Variants in AK8 observed in about 807,000 individuals in gnomAD.
The protein encoded by AK8 is adenylate kinase 8, also known as ATP-AMP transphosphorylase 8.
In AK8, 44 loss-of-function variants were observed where a neutral mutation model predicts 54.6. The observed-to-expected ratio is 0.81, with a 90% CI of 0.63 to 1.04. AK8 has a LOEUF of 1.04. AK8 is among the 50% of genes least tolerant of loss of function. The pLI, the probability that AK8 is intolerant of heterozygous loss-of-function variation, is 0.00. For synonymous variants in AK8, 239 were observed against 245.6 expected (o/e 0.97, Z 0.25); for missense variants, 555 against 613.6 (o/e 0.90, Z 1.01).
At chr9:132,827,921 G>A (rs1246809661) in intron 7 of AK8, 92 bp downstream of exon 7, 3 of 1,323,582 alleles carry the variant, frequency 2.3e-6, no homozygotes, top group African/African-American at 2.9e-5. Context: ...GGTGCCCAGA[G>A]CAGAATGCGA....
At position 132,770,199 on chromosome 9, in the gene AK8, G is replaced by C. The variant is rs1838901954; in HGVS notation, c.1121+22435C>G. Reference sequence around the variant, plus strand: ...TGGGGGGGTCACACTCGTGCCCCTTGCCTGGGTCCTGGGATGCAGACAACG... The same window carrying C: ...TGGGGGGGTCACACTCGTGCCCCTTCCCTGGGTCCTGGGATGCAGACAACG... On this transcript the variant is annotated intron_variant, in intron 11 of 12. Transcript: ENST00000298545. This position sits in a 1 kb window ranked among gnomAD's most constrained non-coding sequence, Gnocchi z 4.3. 2 of 152,308 alleles carry C rather than the reference G, an allele frequency of 1.3e-5. No homozygotes were observed. Among genetic ancestry groups the C allele is most frequent in the Admixed American group, 1.3e-4 (2 of 15,290 alleles). 9.4% of individuals were successfully genotyped at this position (152,308 alleles called of 1,614,324 possible). A position where few individuals can be genotyped will look rare whatever the true frequency, so the allele number is the denominator to read the frequency against.
intron 11 of AK8, among the ~76,000 whole-genome samples, chr9:132,728,689 T>C (rs1836687715): frequency 6.6e-6 from 1 of 152,096 alleles, no homozygotes; most frequent in South Asian, 2.1e-4. Context: ...CTCAGCTTTC[T>C]CACTTCCTCT....
chr9:132,868,255 T>A (rs1037039377), intron 2 of AK8, among the ~76,000 whole-genome samples: 1 of 152,224 alleles, frequency 6.6e-6, no homozygotes, highest in Admixed American at 6.5e-5. Context: ...CATCGTCCTT[T>A]TGGCCAGCAA....
rs1441917178 is a variant in AK8 at position 132,790,322 on chromosome 9, C to T, written c.1121+2312G>A. Among the ~76,000 whole-genome samples the T allele has an allele frequency of 6.6e-6, 1 of 151,974 alleles. No individual in the cohort carries two copies. Among genetic ancestry groups the T allele is most frequent in the African/African-American group, 2.4e-5 (1 of 41,360 alleles). On this transcript the variant is annotated intron_variant, in intron 11 of 12. Transcript: ENST00000298545. This position sits in a 1 kb window ranked among gnomAD's most constrained non-coding sequence, Gnocchi z 4.1. The stretch of plus-strand genomic sequence containing the variant: ...CTGGAGCGCAGTGGCGTGATCTCAG[C>T]TCACTGCAAACTCCGCCTCCTGGGT...
intron 11 of AK8, among the ~76,000 whole-genome samples, chr9:132,735,775 A>G (rs1837074447): frequency 6.6e-6 from 1 of 152,250 alleles, no homozygotes; most frequent in Non-Finnish European, 1.5e-5. Flanking sequence ...TGTTCTTAGC[A>G]GCATGATTCG....
rs1252937674 is a variant in AK8, at chr9:132,860,985, G to A, written c.333+2680C>T. On this transcript the variant is annotated intron_variant, in intron 4 of 12. Coordinates refer to ENST00000298545, the MANE Select transcript of AK8 (RefSeq NM_152572.3). The surrounding 1 kb of genome is among the most constrained non-coding windows in gnomAD (Gnocchi z 4.4). ...AAATAACCCAGGGCAGGGGGAGCAG[G>A]TGAGGGTGCAACCCAAGGCTAGACT... 6.6e-6 allele frequency among the ~76,000 whole-genome samples: 1 copy of A among 152,224 alleles called. No individual in the cohort carries two copies. The highest frequency in any genetic ancestry group is 1.5e-5 in the Non-Finnish European group (1 of 68,044).
In AK8 at chr9:132,790,761, T is replaced by C. The variant is rs533400424; in HGVS notation, c.1121+1873A>G. Among the ~76,000 whole-genome samples, 1 of 152,244 alleles carries C rather than the reference T, an allele frequency of 6.6e-6. No homozygotes were observed. Among genetic ancestry groups the C allele is most frequent in the South Asian group, 2.1e-4 (1 of 4,810 alleles). On this transcript the variant is annotated intron_variant, in intron 11 of 12. Transcript: ENST00000298545. This position sits in a 1 kb window ranked among gnomAD's most constrained non-coding sequence, Gnocchi z 4.1. ...AAAGGATGAGTATTTGTAGATGACA[T>C]GGTCATCTACCTGTAAAACCCAAGA...
intron 10 of AK8, among the ~76,000 whole-genome samples, chr9:132,806,101 CGTGT>C (rs5900993): frequency 0.2 from 29,954 of 148,554 alleles, 3,184 homozygotes; most frequent in East Asian, 0.43. Context: ...TACTGCTTGG[CGTGT>C]GTGTGTGTGT....
At chr9:132,817,751 C>T (rs1302208297) in intron 9 of AK8, among the ~76,000 whole-genome samples, 2 of 152,116 alleles carry the variant, frequency 1.3e-5, no homozygotes, top group East Asian at 1.9e-4. Flanking sequence ...GACAGTCTAA[C>T]ATATGTGGAA....
chr9:132,826,192 G>C lies in AK8; in HGVS notation c.757+662C>G, dbSNP rs953133719. Among the ~76,000 whole-genome samples the C allele has an allele frequency of 1.3e-5, 2 of 152,160 alleles. No individual in the cohort carries two copies. The highest frequency in any genetic ancestry group is 4.8e-5 in the African/African-American group (2 of 41,428). On this transcript the variant is annotated intron_variant, in intron 8 of 12. Transcript: ENST00000298545. The surrounding 1 kb of genome is among the most constrained non-coding windows in gnomAD (Gnocchi z 4.5). ...GGGCACAAGTTTTGTTCCTATTTTA[G>C]CGATGCCAAAACTAGGGCTCCGAGG...
In AK8 at chr9:132,878,115, G is replaced by A. The variant is rs1564453718; in HGVS notation, c.84+57C>T. 1 of 1,549,622 alleles carries A rather than the reference G, an allele frequency of 6.5e-7. No individual in the cohort carries two copies. The highest frequency in any genetic ancestry group is 8.7e-7 in the Non-Finnish European group (1 of 1,146,448). On this transcript the variant is annotated intron_variant, in intron 1 of 12. Coordinates refer to ENST00000298545, the MANE Select transcript of AK8 (RefSeq NM_152572.3). This position sits in a 1 kb window ranked among gnomAD's most constrained non-coding sequence, Gnocchi z 4.7. ...GGGTCCCGGCCGCGCACCCGACGTC[G>A]CAGTGGAGGCTCCCGAGCCGCCGCC...
chr9:132,868,707 G>T (rs568638979), intron 2 of AK8, among the ~76,000 whole-genome samples: 5 of 152,304 alleles, frequency 3.3e-5, no homozygotes, highest in African/African-American at 1.2e-4. Flanking sequence ...CACCCCCATG[G>T]CGGCCAGAAC....
At chr9:132,877,828 C>T (rs7027831) in intron 1 of AK8, 37,823 of 553,570 alleles carry the variant, frequency 0.068, 3,239 homozygotes, top group African/African-American at 0.31. Flanking sequence ...TGGGAGACCA[C>T]CTCTTGCAAC....
chr9:132,750,013 C>G (rs1006527829), intron 11 of AK8, among the ~76,000 whole-genome samples: 1 of 151,620 alleles, frequency 6.6e-6, no homozygotes, highest in Admixed American at 6.6e-5. Flanking sequence ...CTTGGAGATA[C>G]TGACAGCACA....
intron 11 of AK8, among the ~76,000 whole-genome samples, chr9:132,775,280 TTGTGTC>T (rs1404159364): frequency 1.3e-5 from 2 of 152,052 alleles, no homozygotes; most frequent in Non-Finnish European, 2.9e-5. Context: ...GTGAGACTGT[TTGTGTC>T]TGTTTATTTT....
At chr9:132,868,792 G>T (rs1843697446) in intron 2 of AK8, among the ~76,000 whole-genome samples, 1 of 152,152 alleles carries the variant, frequency 6.6e-6, no homozygotes, top group South Asian at 2.1e-4. Context: ...GTCACTGTTT[G>T]TCACCTTTGT....
chr9:132,746,107 C>G (rs1280860914), intron 11 of AK8, among the ~76,000 whole-genome samples: 3 of 152,118 alleles, frequency 2.0e-5, no homozygotes, highest in Non-Finnish European at 4.4e-5. Context: ...CTGTGGGGAG[C>G]AGGGTGAGAC....
chr9:132,863,623 C>T (rs1843475436), intron 4 of AK8, 42 bp downstream of exon 4: 1 of 1,441,270 alleles, frequency 6.9e-7, no homozygotes, highest in Admixed American at 1.7e-5. Context: ...GCAGTGGGCA[C>T]TGCTGCTGTG....
At chr9:132,767,453 A>G (rs1475447344) in intron 11 of AK8, among the ~76,000 whole-genome samples, 1 of 152,218 alleles carries the variant, frequency 6.6e-6, no homozygotes, top group Non-Finnish European at 1.5e-5. Flanking sequence ...AAATTGAAAA[A>G]AAAAAGATGC....
Sources: gnomAD v4.1 joint callset for allele counts (sites outside exome capture counted in the v4.1 genomes callset) on GRCh38, gnomAD v4.1.1 for gene constraint, Gnocchi (gnomAD v3.1) non-coding constraint, MANE v1.5 for transcripts, NCBI Gene and HGNC (gene_info 2026-07-23, HGNC 2026-07-21) for gene names.